SLIT1: variants seen among roughly 807,000 people sequenced by gnomAD.
SLIT1 encodes slit homolog 1 protein.
In SLIT1, 66 loss-of-function variants were observed where a neutral mutation model predicts 186.1. That is an observed-to-expected ratio of 0.35 (90% CI 0.29 to 0.44). SLIT1 has a LOEUF of 0.44. SLIT1 is among the 20% of genes least tolerant of loss of function. SLIT1 has a pLI of 1.00. For missense variants in SLIT1, 1,638 were observed against 2,037.4 expected, an observed-to-expected ratio of 0.80 and a Z score of 3.77; for synonymous variants, 761 against 833.8, an observed-to-expected ratio of 0.91 and a Z score of 1.50.
At chr10:97,075,607 C>A (rs764832771) in intron 4 of SLIT1, among the ~76,000 whole-genome samples, 5 of 152,236 alleles carry the variant, frequency 3.3e-5, no homozygotes, top group Non-Finnish European at 7.3e-5. Flanking sequence ...CTGGTGCCAG[C>A]ACGGGGCAGC....
rs1368021368 is a variant in SLIT1 at position 96,998,772 on chromosome 10, C to G, written c.*2340G>C. ...AGGAGGCTGGGCCATGTGGTGGGGC[C>G]GGTCAGGGGAGCCTTAAGCTCACAT... On this transcript the variant is annotated 3_prime_UTR_variant, in exon 37 of 37. Transcript: ENST00000266058. 6.6e-6 allele frequency: 1 copy of G among 152,278 alleles called. No homozygotes were observed. The highest frequency in any genetic ancestry group is 1.5e-5 in the Non-Finnish European group (1 of 68,108). 9.4% of individuals were successfully genotyped at this position (152,278 alleles called of 1,614,324 possible).
chr10:97,143,908 A>G (rs1190357648), intron 4 of SLIT1, among the ~76,000 whole-genome samples: 1 of 152,210 alleles, frequency 6.6e-6, no homozygotes, highest in Non-Finnish European at 1.5e-5. Flanking sequence ...TTAAGATTAG[A>G]TTAAACAGGC....
chr10:97,076,168 G>A (rs562937185), intron 4 of SLIT1, among the ~76,000 whole-genome samples: 13 of 152,336 alleles, frequency 8.5e-5, no homozygotes, highest in African/African-American at 3.1e-4. Context: ...CACGGGTGAG[G>A]AGCAGGTGTG....
intron 4 of SLIT1, among the ~76,000 whole-genome samples, chr10:97,148,318 T>C (rs1463429786): frequency 6.6e-6 from 1 of 151,668 alleles, no homozygotes; most frequent in African/African-American, 2.4e-5. Context: ...AGGCAGGGTC[T>C]CGCTCTGTCA....
chr10:97,037,886 A>T, intron 21 of SLIT1, 120 bp from the exon 22 acceptor site: 1 of 703,656 alleles, frequency 1.4e-6, no homozygotes, highest in Middle Eastern at 3.2e-4. Flanking sequence ...CACATAGGCC[A>T]CACGATGGGC....
intron 4 of SLIT1, among the ~76,000 whole-genome samples, chr10:97,113,847 C>T (rs1356987171): frequency 6.6e-6 from 1 of 152,228 alleles, no homozygotes; most frequent in Non-Finnish European, 1.5e-5. Context: ...TGAGCCCGGC[C>T]TCTTTTAAGA....
intron 32 of SLIT1, among the ~76,000 whole-genome samples, chr10:97,005,607 C>T (rs1169739754): frequency 1.3e-5 from 2 of 152,202 alleles, no homozygotes; most frequent in African/African-American, 4.8e-5. Context: ...CTTTGTAAAT[C>T]AATGTCTGGT....
At chr10:97,091,131 G>A (rs1849226543) in intron 4 of SLIT1, among the ~76,000 whole-genome samples, 2 of 152,356 alleles carry the variant, frequency 1.3e-5, no homozygotes, top group South Asian at 2.1e-4. Context: ...TTTGCCTCTT[G>A]CAAAAGGCAA....
rs756018995 is a variant in SLIT1, at chr10:97,040,137, G to A, written c.2165-17C>T. 9.7e-6 allele frequency: 15 copies of A among 1,540,590 alleles called. No homozygotes were observed. The highest frequency in any genetic ancestry group is 4.2e-5 in the African/African-American group (3 of 72,240). ...CCTCCTGGCCTAGGGAAGAAGGCAC[G>A]AAGCCCCTGTCAGGGAGGTGGACGG... is the stretch of plus-strand genomic sequence containing the variant. On this transcript the variant is annotated splice_polypyrimidine_tract_variant and intron_variant, in intron 20 of 36. Coordinates refer to ENST00000266058, the MANE Select transcript of SLIT1 (RefSeq NM_003061.3).
At chr10:97,061,588 A>G (rs148438341) in intron 8 of SLIT1, among the ~76,000 whole-genome samples, 2 of 152,286 alleles carry the variant, frequency 1.3e-5, no homozygotes, top group African/African-American at 2.4e-5. Context: ...TTAATATACA[A>G]TCTTTGAGAT....
intron 4 of SLIT1, among the ~76,000 whole-genome samples, chr10:97,151,018 T>C (rs1849871580): frequency 1.3e-5 from 2 of 150,308 alleles, no homozygotes; most frequent in African/African-American, 4.9e-5. Context: ...GAAGGAGATA[T>C]AGGTCCAGCC....
chr10:97,114,490 A>C (rs180865488), intron 4 of SLIT1, among the ~76,000 whole-genome samples: 8 of 152,268 alleles, frequency 5.3e-5, no homozygotes, highest in African/African-American at 1.7e-4. Context: ...CTGGGCAACA[A>C]AAATTTTTTA....
In SLIT1 at chr10:97,043,167, T is replaced by C; in HGVS notation, c.1998-100A>G. The C allele has an allele frequency of 1.4e-6, 2 of 1,396,710 alleles. No individual in the cohort carries two copies. Among genetic ancestry groups the C allele is most frequent in the Non-Finnish European group, 9.9e-7 (1 of 1,013,484 alleles). The allele number at this position is 1,396,710 out of a possible 1,614,324, so 86.5% of individuals were successfully genotyped here. A position where few individuals can be genotyped will look rare whatever the true frequency, so the allele number is the denominator to read the frequency against. ...ACGGACACAGGGCCACATGGCCACA[T>C]GGCACTGTCTCCCAGACCACCACCC... On this transcript the variant is annotated intron_variant, in intron 19 of 36. Transcript: ENST00000266058. The surrounding 1 kb of genome is among the most constrained non-coding windows in gnomAD (Gnocchi z 7.0).
chr10:97,119,926 T>C (rs1411598945), intron 4 of SLIT1, among the ~76,000 whole-genome samples: 2 of 128,408 alleles, frequency 1.6e-5, no homozygotes, highest in East Asian at 2.2e-4. Context: ...TATATATATA[T>C]ATATATATAT....
chr10:97,144,773 T>A (rs970286011), intron 4 of SLIT1, among the ~76,000 whole-genome samples: 1 of 152,182 alleles, frequency 6.6e-6, no homozygotes, highest in African/African-American at 2.4e-5. Flanking sequence ...GTCCTCAGCA[T>A]CCAAGCAATG....
chr10:97,147,023 C>T (rs1411872611), intron 4 of SLIT1, among the ~76,000 whole-genome samples: 5 of 152,080 alleles, frequency 3.3e-5, no homozygotes, highest in Non-Finnish European at 7.4e-5. Flanking sequence ...GTGGAGGTAA[C>T]CTACTGTCCA....
intron 1 of SLIT1, among the ~76,000 whole-genome samples, chr10:97,183,744 G>A (rs1380295038): frequency 6.6e-6 from 1 of 152,106 alleles, no homozygotes; most frequent in African/African-American, 2.4e-5. Context: ...AAAGAAGAAG[G>A]GCTAATGTGT....
Position 97,021,191 on chromosome 10 carries a change from G to A in SLIT1, c.2746+59C>T. ...GACGCAGGCATGTTAGGAAGGCCCT[G>A]CAGTGTTGGGCAAGTTCTGTGAGCC... On this transcript the variant is annotated intron_variant, in intron 26 of 36. Coordinates refer to ENST00000266058, the MANE Select transcript of SLIT1 (RefSeq NM_003061.3). The surrounding 1 kb of genome is among the most constrained non-coding windows in gnomAD (Gnocchi z 4.5). 1 of 1,540,828 alleles carries A rather than the reference G, an allele frequency of 6.5e-7. No individual in the cohort carries two copies. The highest frequency in any genetic ancestry group is 1.8e-5 in the Admixed American group (1 of 55,930).
chr10:97,053,381 T>C (rs376690927), intron 13 of SLIT1, among the ~76,000 whole-genome samples: 6 of 152,314 alleles, frequency 3.9e-5, no homozygotes, highest in African/African-American at 1.4e-4. Context: ...TTTGTCTCCC[T>C]GGCTATAAGT....
Sources: gnomAD v4.1 joint callset for allele counts (sites outside exome capture counted in the v4.1 genomes callset) on GRCh38, gnomAD v4.1.1 for gene constraint, Gnocchi (gnomAD v3.1) non-coding constraint, MANE v1.5 for transcripts, NCBI Gene and HGNC (gene_info 2026-07-23, HGNC 2026-07-21) for gene names.